The following WWOX variants were observed in gnomAD, a reference collection of about 807,000 sequenced individuals.
WWOX encodes WW domain-containing oxidoreductase.
Under a neutral mutation model 46.2 loss-of-function variants are expected in WWOX, and 69 were observed. The ratio of observed to expected loss-of-function variants is 1.49; its 90% confidence interval spans 1.23 to 1.82. WWOX has a LOEUF of 1.82. WWOX is among the 40% of genes most tolerant of loss of function. The pLI is 0.00. For synonymous variants in WWOX, 359 were observed against 202.6 expected, an observed-to-expected ratio of 1.77 and a Z score of -6.56; for missense variants, 919 against 542.6, an observed-to-expected ratio of 1.69 and a Z score of -6.89.
intron 8 of WWOX, among the ~76,000 whole-genome samples, chr16:78,825,119 C>G (rs921288837): frequency 6.6e-6 from 1 of 152,080 alleles, no homozygotes; most frequent in Non-Finnish European, 1.5e-5. Context: ...TCGGGGAGGT[C>G]AAGTGAGTTT....
intron 8 of WWOX, among the ~76,000 whole-genome samples, chr16:79,078,832 A>G (rs941684371): frequency 1.3e-5 from 2 of 152,216 alleles, no homozygotes; most frequent in African/African-American, 4.8e-5. Flanking sequence ...CCTAACGGTT[A>G]AAGTGACATG....
chr16:78,979,789 C>T (rs939999063), intron 8 of WWOX, among the ~76,000 whole-genome samples: 2 of 152,112 alleles, frequency 1.3e-5, no homozygotes, highest in Non-Finnish European at 2.9e-5. Flanking sequence ...AACTGCACTG[C>T]ATTTATCCAA....
intron 4 of WWOX, among the ~76,000 whole-genome samples, chr16:78,155,034 C>G (rs1347404605): frequency 6.6e-6 from 1 of 152,206 alleles, no homozygotes; most frequent in Non-Finnish European, 1.5e-5. Flanking sequence ...GGCTTCTCAG[C>G]TAACCTGTCA....
chr16:78,104,748 AAG>A (rs1305914760), intron 1 of WWOX, among the ~76,000 whole-genome samples: 1 of 152,204 alleles, frequency 6.6e-6, no homozygotes, highest in African/African-American at 2.4e-5. Flanking sequence ...TATAATTAAA[AAG>A]AACATCTTTT....
chr16:78,219,353 A>C (rs2036818595), intron 5 of WWOX, among the ~76,000 whole-genome samples: 1 of 152,226 alleles, frequency 6.6e-6, no homozygotes, highest in Non-Finnish European at 1.5e-5. Context: ...CAATGGAGAA[A>C]AAGTCGTAGG....
intron 6 of WWOX, among the ~76,000 whole-genome samples, chr16:78,391,254 T>C (rs1471882205): frequency 6.6e-6 from 1 of 152,180 alleles, no homozygotes; most frequent in Non-Finnish European, 1.5e-5. Flanking sequence ...ATGTAAACAA[T>C]AGCTGCTAGG....
intron 5 of WWOX, among the ~76,000 whole-genome samples, chr16:78,198,775 AT>A (rs2036139158): frequency 6.6e-6 from 1 of 152,132 alleles, no homozygotes; most frequent in African/African-American, 2.4e-5. Context: ...ATATGTCAAT[AT>A]GTAAACATTT....
At chr16:78,131,265 T>C (rs753506386) in intron 4 of WWOX, among the ~76,000 whole-genome samples, 1 of 152,200 alleles carries the variant, frequency 6.6e-6, no homozygotes, top group Non-Finnish European at 1.5e-5. Context: ...CAGGCTTCAG[T>C]GCATCAGCGT....
intron 8 of WWOX, among the ~76,000 whole-genome samples, chr16:78,586,255 C>G (rs984298842): frequency 6.6e-6 from 1 of 152,110 alleles, no homozygotes; most frequent in East Asian, 1.9e-4. Context: ...CAAGATCATG[C>G]CACTGCATTT....
intron 8 of WWOX, among the ~76,000 whole-genome samples, chr16:78,508,252 C>G (rs1046464227): frequency 4.0e-5 from 6 of 150,826 alleles, no homozygotes; most frequent in Non-Finnish European, 7.4e-5. Context: ...CTCAGGTGAT[C>G]CTCCTGCCTC....
chr16:78,436,841 T>A (rs930748526), intron 8 of WWOX, among the ~76,000 whole-genome samples: 32 of 152,236 alleles, frequency 2.1e-4, no homozygotes, highest in African/African-American at 7.0e-4. Context: ...CGGCATTGCT[T>A]CCGTCAGGAT....
At chr16:78,841,736 C>G (rs539214199) in intron 8 of WWOX, among the ~76,000 whole-genome samples, 1 of 151,988 alleles carries the variant, frequency 6.6e-6, no homozygotes, top group East Asian at 1.9e-4. Context: ...GAGAAGTTAC[C>G]TTTGAAAATG....
intron 8 of WWOX, among the ~76,000 whole-genome samples, chr16:78,494,255 G>T (rs2859636): frequency 2.0e-5 from 3 of 151,992 alleles, no homozygotes; most frequent in African/African-American, 7.3e-5. Context: ...ATCCCGTCTA[G>T]TTCCTGCAGA....
chr16:78,539,608 C>A (rs989860815), intron 8 of WWOX, among the ~76,000 whole-genome samples: 1 of 152,206 alleles, frequency 6.6e-6, no homozygotes, highest in Non-Finnish European at 1.5e-5. Flanking sequence ...TTTCCCGATT[C>A]TCTTCCACGT....
chr16:78,710,414 A>ACAC lies in WWOX; in HGVS notation c.1056+277665_1056+277667dup, dbSNP rs1199828553. Among the ~76,000 whole-genome samples, 6 of 141,124 alleles carry ACAC rather than the reference A, an allele frequency of 4.3e-5. No homozygotes were observed. The East Asian group carries it at 1.3e-3, about 31-fold the overall frequency. 92.6% of individuals were successfully genotyped at this position (141,124 alleles called of 152,430 possible). On this transcript the variant is annotated intron_variant, in intron 8 of 8. Transcript: ENST00000566780. ...CCGCATCTGCTATGCAGCATTGGCCACACCAGTGGGATGCAAGAATTTATC... is the reference window on the plus strand; with the variant it reads ...CCGCATCTGCTATGCAGCATTGGCCACACCACCAGTGGGATGCAAGAATTTATC...
At chr16:79,067,170 A>G (rs1413555312) in intron 8 of WWOX, among the ~76,000 whole-genome samples, 3 of 152,192 alleles carry the variant, frequency 2.0e-5, no homozygotes, top group African/African-American at 4.8e-5. Flanking sequence ...AGGGCCGGCC[A>G]TCCCCTTTGC....
intron 8 of WWOX, among the ~76,000 whole-genome samples, chr16:78,901,880 C>T (rs1567637102): frequency 6.6e-6 from 1 of 152,216 alleles, no homozygotes; most frequent in African/African-American, 2.4e-5. Context: ...CGGGCCTCTC[C>T]TACAAATCTG....
intron 8 of WWOX, among the ~76,000 whole-genome samples, chr16:79,009,874 A>AG (rs113705596): frequency 2.6e-5 from 4 of 152,318 alleles, no homozygotes; most frequent in African/African-American, 9.6e-5. Flanking sequence ...GTGGTTGGAG[A>AG]GAGTGAGTCC....
chr16:78,540,542 C>T (rs978397083), intron 8 of WWOX, among the ~76,000 whole-genome samples: 1 of 152,248 alleles, frequency 6.6e-6, no homozygotes, highest in East Asian at 1.9e-4. Flanking sequence ...TGTCATTTTA[C>T]CAATTGCTCA....
Sources: gnomAD v4.1 joint callset for allele counts (sites outside exome capture counted in the v4.1 genomes callset) on GRCh38, gnomAD v4.1.1 for gene constraint, MANE v1.5 for transcripts, NCBI Gene and HGNC (gene_info 2026-07-23, HGNC 2026-07-21) for gene names.